The following NMT1 variants were observed in gnomAD, a reference collection of about 807,000 sequenced individuals.
The protein encoded by NMT1 is glycylpeptide N-tetradecanoyltransferase 1.
A neutral mutation model predicts 63.4 loss-of-function variants in NMT1; 12 were observed. The observed-to-expected ratio is 0.19, with a 90% CI of 0.12 to 0.31. The LOEUF is 0.31. NMT1 is among the 10% of genes least tolerant of loss of function. NMT1 has a pLI of 1.00. For synonymous variants in NMT1, 228 were observed against 234.3 expected, an observed-to-expected ratio of 0.97 and a Z score of 0.25; for missense variants, 432 against 634.6, an observed-to-expected ratio of 0.68 and a Z score of 3.43.
intron 3 of NMT1, among the ~76,000 whole-genome samples, chr17:45,089,622 G>A (rs1283707243): frequency 1.1e-4 from 17 of 151,298 alleles, no homozygotes; most frequent in Admixed American, 1.1e-3. Context: ...TTACAGGCAT[G>A]AGCTACCGCA....
intron 2 of NMT1, among the ~76,000 whole-genome samples, chr17:45,082,377 A>G (rs745520603): frequency 1.1e-4 from 17 of 151,908 alleles, no homozygotes; most frequent in Non-Finnish European, 1.9e-4. Flanking sequence ...TAGCCTCCCA[A>G]AGTGCTGGGA....
rs2054017950 is a variant in NMT1, at chr17:45,081,662, T to C, written c.150T>C (p.Asn50=). The C allele has an allele frequency of 1.9e-6, 3 of 1,613,068 alleles. No homozygotes were observed. Among genetic ancestry groups the C allele is most frequent in the Admixed American group, 1.7e-5 (1 of 59,768 alleles). The change falls in exon 2 of 12, where the codon AAT becomes AAC. Residue 50 remains asparagine (N), a synonymous_variant. Transcript: ENST00000258960. ...SYNRGGLSPA[N]DTGAKKKKKK... ...GTTACAGTGGTTTGAGTCCAGCCAA[T>C]GACACTGGAGCCAAAAAGAAGAAAA...
intron 1 of NMT1, among the ~76,000 whole-genome samples, chr17:45,068,623 T>C (rs2053918274): frequency 6.6e-6 from 1 of 152,198 alleles, no homozygotes; most frequent in Admixed American, 6.6e-5. Context: ...CCTCCATGAT[T>C]TCACTTATGA....
intron 1 of NMT1, among the ~76,000 whole-genome samples, chr17:45,062,387 A>G (rs767382325): frequency 1.3e-5 from 2 of 152,230 alleles, no homozygotes; most frequent in Non-Finnish European, 2.9e-5. Context: ...ATTTGTAGAT[A>G]TATTTTTAAA....
At chr17:45,069,408 C>T (rs1240447538) in intron 1 of NMT1, among the ~76,000 whole-genome samples, 1 of 151,932 alleles carries the variant, frequency 6.6e-6, no homozygotes, top group Non-Finnish European at 1.5e-5. Context: ...TCTCCTGCCT[C>T]AGCCTCCTGG....
chr17:45,085,987 A>G (rs143348354), intron 2 of NMT1, among the ~76,000 whole-genome samples: 3 of 151,426 alleles, frequency 2.0e-5, no homozygotes, highest in African/African-American at 7.3e-5. Flanking sequence ...ATGCCTGGCT[A>G]ATTTTTTGTA....
rs866522468 is a variant in NMT1 at position 45,090,167 on chromosome 17, C to T, written c.385+3515C>T. On this transcript the variant is annotated intron_variant, in intron 3 of 11. Coordinates refer to ENST00000258960, the MANE Select transcript of NMT1 (RefSeq NM_021079.5). ...GACATGGTAGCACATGCCTATGGTC[C>T]CAGTTTCTCAGGAGACTGAGGTGGG... 3.3e-5 allele frequency among the ~76,000 whole-genome samples: 5 copies of T among 152,162 alleles called. No homozygotes were observed. The Middle Eastern group carries it at 0.017, about 518-fold the overall frequency.
chr17:45,069,273 ATTAT>A (rs1555604551), intron 1 of NMT1, among the ~76,000 whole-genome samples: 77 of 137,676 alleles, frequency 5.6e-4, no homozygotes, highest in Middle Eastern at 4.0e-3. Flanking sequence ...TTTATTTTTT[ATTAT>A]TTATTTATTT....
intron 1 of NMT1, among the ~76,000 whole-genome samples, chr17:45,080,465 C>CTTTTTTT (rs35346554): frequency 1.4e-5 from 1 of 70,192 alleles, no homozygotes; most frequent in Admixed American, 1.6e-4. Flanking sequence ...CAGCCTTTTC[C>CTTTTTTT]TTTTTTTTTT....
In NMT1 at chr17:45,105,535, C is replaced by G; in HGVS notation, c.1471-84C>G. The G allele has an allele frequency of 6.6e-7, 1 of 1,518,380 alleles. No individual in the cohort carries two copies. Among genetic ancestry groups the G allele is most frequent in the Non-Finnish European group, 9.1e-7 (1 of 1,096,078 alleles). 94.1% of individuals were successfully genotyped at this position (1,518,380 alleles called of 1,614,324 possible). A position where few individuals can be genotyped will look rare whatever the true frequency, so the allele number is the denominator to read the frequency against. Reference sequence around the variant, plus strand: ...CAGGCGGTGGACCCGGGCCCAGCCACTCGGAACTTCAGGGATAGGGGGTGT... The same window carrying G: ...CAGGCGGTGGACCCGGGCCCAGCCAGTCGGAACTTCAGGGATAGGGGGTGT... On this transcript the variant is annotated intron_variant, in intron 11 of 11. Coordinates refer to ENST00000258960, the MANE Select transcript of NMT1 (RefSeq NM_021079.5). The surrounding 1 kb of genome is among the most constrained non-coding windows in gnomAD (Gnocchi z 4.2).
chr17:45,088,186 G>A (rs1262966226), intron 3 of NMT1, among the ~76,000 whole-genome samples: 3 of 152,264 alleles, frequency 2.0e-5, no homozygotes, highest in South Asian at 2.1e-4. Flanking sequence ...CATCGGCCAG[G>A]TCCCAGGCCC....
At chr17:45,085,019 G>A (rs2054043065) in intron 2 of NMT1, among the ~76,000 whole-genome samples, 1 of 151,864 alleles carries the variant, frequency 6.6e-6, no homozygotes, top group African/African-American at 2.4e-5. Flanking sequence ...AGGCTGAGTT[G>A]GGCAGATCGC....
In NMT1 at chr17:45,070,070, T is replaced by G. The variant is rs533101544; in HGVS notation, c.131+8610T>G. Among the ~76,000 whole-genome samples, 7 of 152,282 alleles carry G rather than the reference T, an allele frequency of 4.6e-5. 2 individuals carry two copies. In the South Asian group the frequency reaches 1.5e-3, roughly 32 times the overall value. ...TGTCTCATTCCGGTTTTAAGGAGTT[T>G]AGTATACCAGAGCTTTTGTGACCTC... is the stretch of plus-strand genomic sequence containing the variant. On this transcript the variant is annotated intron_variant, in intron 1 of 11. Coordinates refer to ENST00000258960, the MANE Select transcript of NMT1 (RefSeq NM_021079.5).
At chr17:45,073,602 A>T (rs2053957114) in intron 1 of NMT1, among the ~76,000 whole-genome samples, 1 of 152,214 alleles carries the variant, frequency 6.6e-6, no homozygotes, top group Non-Finnish European at 1.5e-5. Context: ...TTTCCTCATT[A>T]CTTCTAATGC....
chr17:45,103,363 C>T lies in NMT1; in HGVS notation c.1164+242C>T, dbSNP rs894099534. 3.9e-5 allele frequency among the ~76,000 whole-genome samples: 6 copies of T among 152,316 alleles called. No homozygotes were observed. The highest frequency in any genetic ancestry group is 9.6e-5 in the African/African-American group (4 of 41,574). On this transcript the variant is annotated intron_variant, in intron 9 of 11. Coordinates refer to ENST00000258960, the MANE Select transcript of NMT1 (RefSeq NM_021079.5). This position sits in a 1 kb window ranked among gnomAD's most constrained non-coding sequence, Gnocchi z 4.8. ...ACACAAAATAGAGAGAACTGAGCCC[C>T]GCTTAATCCTTCAGGAAAGCCTGCA...
chr17:45,071,308 C>T (rs2053937919), intron 1 of NMT1: 1 of 152,222 alleles, frequency 6.6e-6, no homozygotes, highest in Non-Finnish European at 1.5e-5. Context: ...AGTCCTCCTA[C>T]TTCAGCCTCC....
At position 45,094,401 on chromosome 17, in the gene NMT1, G is replaced by A. The variant is rs2054109968; in HGVS notation, c.504+598G>A. Among the ~76,000 whole-genome samples, 3 of 151,238 alleles carry A rather than the reference G, an allele frequency of 2.0e-5. 1 individual carries two copies. The South Asian group carries it at 6.3e-4, about 32-fold the overall frequency. The stretch of plus-strand genomic sequence containing the variant: ...CCAGCTACTCAGGAGGCTGAGGCAG[G>A]AGAATCTCGTGAACCTGGGAGGGGG... On this transcript the variant is annotated intron_variant, in intron 4 of 11. Transcript: ENST00000258960.
chr17:45,069,292 A>ATTTC (rs1567861428), intron 1 of NMT1, among the ~76,000 whole-genome samples: 1 of 133,976 alleles, frequency 7.5e-6, no homozygotes, highest in African/African-American at 2.8e-5. Context: ...TTATTTATTT[A>ATTTC]TTTATTTATT....
At chr17:45,064,312 G>A (rs1326543275) in intron 1 of NMT1, among the ~76,000 whole-genome samples, 2 of 152,182 alleles carry the variant, frequency 1.3e-5, no homozygotes, top group Admixed American at 6.6e-5. Flanking sequence ...GTTTATTAGC[G>A]TCCCAAATCT....
Sources: allele counts gnomAD v4.1 joint callset (sites outside exome capture counted in the v4.1 genomes callset), GRCh38; gene constraint gnomAD v4.1.1; non-coding constraint Gnocchi (gnomAD v3.1); transcripts MANE v1.5; gene names NCBI Gene and HGNC (gene_info 2026-07-23, HGNC 2026-07-21).